POLE: variants seen among roughly 807,000 people sequenced by gnomAD.
POLE encodes DNA polymerase epsilon catalytic subunit A.
A neutral mutation model predicts 279.2 loss-of-function variants in POLE; 188 were observed. The observed-to-expected ratio is 0.67, with a 90% confidence interval of 0.60 to 0.76. The LOEUF (loss-of-function observed/expected upper bound fraction) is 0.76. POLE is among the 30% of genes least tolerant of loss of function. The probability of loss-of-function intolerance (pLI) is 0.00; values close to 1 mark genes in which losing one functional copy is unlikely to be tolerated. For synonymous variants in POLE, 1,214 were observed against 1,172.5 expected (o/e 1.04, Z -0.72); for missense variants, 2,703 against 3,016.7 (o/e 0.90, Z 2.44).
chr12:132,625,928 A>G, intron 46 of POLE, 158 bp from the exon 47 acceptor site: 1 of 1,146,196 alleles, frequency 8.7e-7, no homozygotes, highest in Non-Finnish European at 1.2e-6. Context: ...CCTGCACTTG[A>G]GCCCTTCCTA....
chr12:132,652,351 T>C (rs1475589743), intron 29 of POLE, among the ~76,000 whole-genome samples: 1 of 128,528 alleles, frequency 7.8e-6, no homozygotes, highest in African/African-American at 3.1e-5. Flanking sequence ...GACACAGGGG[T>C]CTCGCTCTGT....
Position 132,640,905 on chromosome 12 carries a change from C to T in POLE, c.5378+742G>A, listed in dbSNP as rs76299440. On this transcript the variant is annotated intron_variant, in intron 39 of 48. Coordinates refer to ENST00000320574, the MANE Select transcript of POLE (RefSeq NM_006231.4). ...CCTGCCTCTTTCCACCAGTCCTCTC[C>T]CTGCCTCATTTCCCAGCTCTGGCAT... The T allele has an allele frequency of 7.7e-3, 3,435 of 446,906 alleles. 81 individuals are homozygous for T. Among genetic ancestry groups the T allele is most frequent in the African/African-American group, 0.057 (2,835 of 50,006 alleles). 27.7% of individuals were successfully genotyped at this position (446,906 alleles called of 1,614,324 possible).
At chr12:132,686,552 T>A (rs1013588335) in intron 1 of POLE, among the ~76,000 whole-genome samples, 1 of 151,050 alleles carries the variant, frequency 6.6e-6, no homozygotes, top group Non-Finnish European at 1.5e-5. Context: ...CTGGCCAACA[T>A]GGTGAAACCC....
chr12:132,687,136 C>G, intron 1 of POLE, 118 bp downstream of exon 1: 1 of 531,204 alleles, frequency 1.9e-6, no homozygotes. Flanking sequence ...TCAGGCGCGG[C>G]GAGTGCGGGC....
Position 132,624,125 on chromosome 12 carries a change from C to T in POLE, c.*572G>A, listed in dbSNP as rs1566306192. The T allele has an allele frequency of 4.7e-6, 1 of 213,782 alleles. No individual in the cohort carries two copies. Among genetic ancestry groups the T allele is most frequent in the Non-Finnish European group, 9.4e-6 (1 of 106,090 alleles). 13.2% of individuals were successfully genotyped at this position (213,782 alleles called of 1,614,324 possible). A position where few individuals can be genotyped will look rare whatever the true frequency, so the allele number is the denominator to read the frequency against. ...CTCCAAATAAGCAGGGCTCACAAGC[C>T]AAAATCCAGATTCTCACGGGTTAGG... is the stretch of plus-strand genomic sequence containing the variant. On this transcript the variant is annotated 3_prime_UTR_variant, in exon 49 of 49. Coordinates refer to ENST00000320574, the MANE Select transcript of POLE (RefSeq NM_006231.4).
rs367691391 is a variant in POLE, at chr12:132,665,093, T to A, written c.2468+209A>T. Among the ~76,000 whole-genome samples, 4 of 151,978 alleles carry A rather than the reference T, an allele frequency of 2.6e-5. No individual in the cohort carries two copies. In the East Asian group the frequency reaches 5.8e-4, roughly 22 times the overall value. ...AGACACATACACCCCACAGCACGCA[T>A]CACTCATGGACACCCAGACCCTCAA... On this transcript the variant is annotated intron_variant, in intron 21 of 48. Transcript: ENST00000320574.
rs1233392878 is a variant in POLE, at chr12:132,649,402, C to A, written c.3909G>T (p.Arg1303Ser). ...CAGGACCATCCCGGATGGCCCCGGGCCTGAGCACACCCTCTGCCGACTCCA... is the reference window on the plus strand; with the variant it reads ...CAGGACCATCCCGGATGGCCCCGGGACTGAGCACACCCTCTGCCGACTCCA... ...QRLESAEGVL[R>S]PGAIRDGPAT... is the part of the protein sequence containing the mutation. Residue 1303 changes from arginine (R) to serine (S), a missense_variant, in exon 31 of 49, where the codon AGG becomes AGT. By Grantham distance (110) the Arg-to-Ser change is moderately radical. Around this residue, in one of 5 missense-constraint regions of POLE, gnomAD observed 1,551 missense variants for 1,686.1 expected, o/e 0.92. Transcript: ENST00000320574. 2 of 1,613,180 alleles carry A rather than the reference C, an allele frequency of 1.2e-6. No homozygotes were observed. Among genetic ancestry groups the A allele is most frequent in the Admixed American group, 1.7e-5 (1 of 60,008 alleles).
Position 132,659,407 on chromosome 12 carries a change from T to C in POLE, c.3163A>G (p.Ser1055Gly), listed in dbSNP as rs1184261260. ...DYGEQKSTSI[S>G]TAKRLAEFLG... Reference sequence around the variant, plus strand: ...AACTCGGCCAGGCGCTTTGCTGTGCTGATGGACGTAGACTTCTGCTCCCCG... The same window carrying C: ...AACTCGGCCAGGCGCTTTGCTGTGCCGATGGACGTAGACTTCTGCTCCCCG... Residue 1055 changes from serine to glycine, a missense_variant, in exon 26 of 49, where the codon AGC becomes GGC. Ser to Gly is a moderately conservative substitution (Grantham distance 56). Around this residue, in one of 5 missense-constraint regions of POLE, gnomAD observed 1,551 missense variants for 1,686.1 expected, o/e 0.92. Transcript: ENST00000320574. 1.2e-6 allele frequency: 2 copies of C among 1,614,090 alleles called. No homozygotes were observed. The highest frequency in any genetic ancestry group is 1.7e-6 in the Non-Finnish European group (2 of 1,180,012).
intron 16 of POLE, among the ~76,000 whole-genome samples, chr12:132,671,511 A>G (rs1485841619): frequency 1.3e-5 from 2 of 150,922 alleles, no homozygotes; most frequent in Admixed American, 6.6e-5. Context: ...TCTACTAAAA[A>G]TACAAAAACT....
In POLE at chr12:132,672,326, G is replaced by C. The variant is rs375705244; in HGVS notation, c.1687-4C>G. 6.2e-7 allele frequency: 1 copy of C among 1,611,486 alleles called. No individual in the cohort carries two copies. The highest frequency in any genetic ancestry group is 1.3e-5 in the African/African-American group (1 of 74,872). On this transcript the variant is annotated splice_polypyrimidine_tract_variant and splice_region_variant and intron_variant, in intron 15 of 48. Coordinates refer to ENST00000320574, the MANE Select transcript of POLE (RefSeq NM_006231.4). Reference sequence around the variant, plus strand: ...GGAAGTCAAAGGCGGCAGGATTCTAGCACAACAGTGAGACGACGGGGTCAG... The same window carrying C: ...GGAAGTCAAAGGCGGCAGGATTCTACCACAACAGTGAGACGACGGGGTCAG...
rs2138690149 is a variant in POLE, at chr12:132,661,046, T to C, written c.2983A>G (p.Lys995Glu). 6.2e-7 allele frequency: 1 copy of C among 1,614,042 alleles called. No individual in the cohort carries two copies. Among genetic ancestry groups the C allele is most frequent in the Non-Finnish European group, 8.5e-7 (1 of 1,180,018 alleles). Residue 995 changes from lysine to glutamate, a missense_variant, in exon 25 of 49, where the codon AAG (lysine) becomes GAG (glutamate). Coordinates refer to ENST00000320574, the MANE Select transcript of POLE (RefSeq NM_006231.4). The surrounding 1 kb of genome is among the most constrained non-coding windows in gnomAD (Gnocchi z 4.1). Reference protein sequence around the residue: ...FQSSVFEAFLKGSTLEEVYGS... With the variant: ...FQSSVFEAFLEGSTLEEVYGS... ...TACACCTCTTCCAGCGTGCTGCCCT[T>C]GAGGAAGGCCTCAAACACCGAGGAT...
In POLE at chr12:132,677,410, C is replaced by A. The variant is rs763293555; in HGVS notation, c.754G>T (p.Ala252Ser). ...HWYNVRYRGNAFPVEITRRDD... is the reference protein window; with the variant it reads ...HWYNVRYRGNSFPVEITRRDD... ...CGGCGGGTGATTTCTACCGGAAAAG[C>A]ATTTCCTCGGTATCTGACATTGTAC... is the stretch of plus-strand genomic sequence containing the variant. The change falls in exon 8 of 49, where the codon GCT becomes TCT. Residue 252 changes from alanine (A) to serine (S), a missense_variant. By Grantham distance (99) the Ala-to-Ser change is moderately conservative. Coordinates refer to ENST00000320574, the MANE Select transcript of POLE (RefSeq NM_006231.4). The A allele has an allele frequency of 6.2e-7, 1 of 1,614,102 alleles. No homozygotes were observed. The highest frequency in any genetic ancestry group is 8.5e-7 in the Non-Finnish European group (1 of 1,179,988).
rs370319609 is a variant in POLE, at chr12:132,659,253, T to A, written c.3275+42A>T. On this transcript the variant is annotated intron_variant, in intron 26 of 48. Coordinates refer to ENST00000320574, the MANE Select transcript of POLE (RefSeq NM_006231.4). ...GGAGGGAGCCCTCACCTGTCCGTGA[T>A]GGGAGGAGCCCTCACCTCTCCGTGA... The A allele has an allele frequency of 3.2e-6, 5 of 1,585,876 alleles. No individual in the cohort carries two copies. Among genetic ancestry groups the A allele is most frequent in the Non-Finnish European group, 4.3e-6 (5 of 1,160,236 alleles).
intron 27 of POLE, 63 bp downstream of exon 27, chr12:132,657,805 T>C (rs199845384): frequency 9.3e-6 from 3 of 323,580 alleles, no homozygotes; most frequent in Non-Finnish European, 1.3e-5. Context: ...AACTCAGACA[T>C]ATTCTGCTCT....
chr12:132,637,952 G>C (rs1450101916), intron 41 of POLE, 62 bp downstream of exon 41: 8 of 1,585,460 alleles, frequency 5.0e-6, no homozygotes, highest in Non-Finnish European at 6.0e-6. Flanking sequence ...GCACCTCAGG[G>C]GGTCATTTTA....
At chr12:132,652,268 C>T (rs1408009715) in intron 29 of POLE, among the ~76,000 whole-genome samples, 1 of 151,796 alleles carries the variant, frequency 6.6e-6, no homozygotes, top group Admixed American at 6.6e-5. Flanking sequence ...CCCTTCCCAC[C>T]CCAGCATCAT....
At chr12:132,663,323 C>T (rs947532831) in intron 23 of POLE, among the ~76,000 whole-genome samples, 2 of 152,238 alleles carry the variant, frequency 1.3e-5, no homozygotes, top group Non-Finnish European at 2.9e-5. Flanking sequence ...ACTAAGCCGT[C>T]CCCACAACAC....
At chr12:132,667,746 C>T in intron 19 of POLE, 98 bp from the exon 20 acceptor site, 1 of 1,291,436 alleles carries the variant, frequency 7.7e-7, no homozygotes, top group Non-Finnish European at 1.1e-6. Context: ...TTCTACGTCA[C>T]CACAAAGGAG....
At position 132,675,769 on chromosome 12, in the gene POLE, TG is replaced by T; in HGVS notation, c.1071del (p.Ile358SerfsTer24). ...WFEHVQETKP[T>X]IMVTYNGDFF... ...AAGTCCCCGTTGTAGGTGACCATGATGGTGGGTTTGGTCTCCTGGACGTGTT... is the reference window on the plus strand; with the variant it reads ...AAGTCCCCGTTGTAGGTGACCATGATGTGGGTTTGGTCTCCTGGACGTGTT... On this transcript the variant is annotated frameshift_variant, in exon 11 of 49. Coordinates refer to ENST00000320574, the MANE Select transcript of POLE (RefSeq NM_006231.4). LOFTEE classifies it high-confidence loss of function. This position sits in a 1 kb window ranked among gnomAD's most constrained non-coding sequence, Gnocchi z 4.3. The T allele has an allele frequency of 6.2e-7, 1 of 1,614,190 alleles. No individual in the cohort carries two copies. The highest frequency in any genetic ancestry group is 2.2e-5 in the East Asian group (1 of 44,874).
Sources: allele counts gnomAD v4.1 joint callset (sites outside exome capture counted in the v4.1 genomes callset), GRCh38; gene constraint gnomAD v4.1.1; regional missense constraint gnomAD v4.1.1; non-coding constraint Gnocchi (gnomAD v3.1); transcripts MANE v1.5; gene names NCBI Gene and HGNC (gene_info 2026-07-23, HGNC 2026-07-21).